AGPAT5: variants seen among roughly 807,000 people sequenced by gnomAD.
AGPAT5 encodes the protein 1-acyl-sn-glycerol-3-phosphate acyltransferase epsilon.
A neutral mutation model predicts 45.6 loss-of-function variants in AGPAT5; 46 were observed. The ratio of observed to expected loss-of-function variants is 1.01; its 90% CI spans 0.80 to 1.29. The LOEUF (loss-of-function observed/expected upper bound fraction) is 1.29, where lower values mean the gene tolerates loss of function less well. Ranked by LOEUF, AGPAT5 falls within the 50% of genes most tolerant of loss-of-function variation. AGPAT5 has a pLI of 0.00. For synonymous variants in AGPAT5, 272 were observed against 167.0 expected, an observed-to-expected ratio of 1.63 and a Z score of -4.85; for missense variants, 673 against 450.7, an observed-to-expected ratio of 1.49 and a Z score of -4.47.
At chr8:6,750,323 C>T (rs1801618559) in intron 6 of AGPAT5, among the ~76,000 whole-genome samples, 1 of 152,210 alleles carries the variant, frequency 6.6e-6, no homozygotes, top group Non-Finnish European at 1.5e-5. Context: ...TCCCACTGCC[C>T]TGCTTATCCT....
At chr8:6,744,537 G>C (rs530638439) in intron 5 of AGPAT5, among the ~76,000 whole-genome samples, 6 of 152,174 alleles carry the variant, frequency 3.9e-5, no homozygotes, top group Admixed American at 2.0e-4. Flanking sequence ...TTGTTCTCCT[G>C]TACGGGGTCC....
chr8:6,727,916 C>A (rs539036217), intron 2 of AGPAT5, among the ~76,000 whole-genome samples: 2 of 152,298 alleles, frequency 1.3e-5, no homozygotes, highest in South Asian at 4.1e-4. Context: ...AGTGATAGCT[C>A]CTTTCAGGCA....
intron 1 of AGPAT5, among the ~76,000 whole-genome samples, chr8:6,721,434 G>T (rs925710911): frequency 1.3e-5 from 2 of 152,086 alleles, no homozygotes; most frequent in Non-Finnish European, 2.9e-5. Flanking sequence ...CCATTTCATG[G>T]GATAAGAATA....
intron 7 of AGPAT5, among the ~76,000 whole-genome samples, chr8:6,755,743 G>T (rs1313650213): frequency 6.6e-6 from 1 of 152,124 alleles, no homozygotes; most frequent in African/African-American, 2.4e-5. Context: ...AACTATCATT[G>T]TTCTTCTTTT....
At chr8:6,739,289 G>T (rs142443413) in intron 4 of AGPAT5, among the ~76,000 whole-genome samples, 2 of 152,014 alleles carry the variant, frequency 1.3e-5, no homozygotes, top group East Asian at 1.9e-4. Flanking sequence ...TTGCATTTCT[G>T]TGTGAATTAT....
In AGPAT5 at chr8:6,760,235, T is replaced by G. The variant is rs1563313456; in HGVS notation, c.*2847T>G. 6.6e-6 allele frequency among the ~76,000 whole-genome samples: 1 copy of G among 151,642 alleles called. No homozygotes were observed. The highest frequency in any genetic ancestry group is 1.5e-5 in the Non-Finnish European group (1 of 67,886). ...ATCGAGAACCTGTCTACAAAAAAAT[T>G]AAAAAAAATTAGCCAGGCATGGTGG... is the stretch of plus-strand genomic sequence containing the variant. On this transcript the variant is annotated 3_prime_UTR_variant, in exon 8 of 8. Transcript: ENST00000285518.
rs565352659 is a variant in AGPAT5 at position 6,756,734 on chromosome 8, C to T, written c.870-429C>T. Among the ~76,000 whole-genome samples the T allele has an allele frequency of 2.0e-5, 3 of 152,148 alleles. No individual in the cohort carries two copies. In the East Asian group the frequency reaches 5.8e-4, roughly 29 times the overall value. On this transcript the variant is annotated intron_variant, in intron 7 of 7. Coordinates refer to ENST00000285518, the MANE Select transcript of AGPAT5 (RefSeq NM_018361.5). ...TTGGTCTCTGCCGGGTATCCTGGGACCAGCCCCCTGTCGATACAGAGGGAC... is the reference window on the plus strand; with the variant it reads ...TTGGTCTCTGCCGGGTATCCTGGGATCAGCCCCCTGTCGATACAGAGGGAC...
At chr8:6,730,678 C>T (rs1281284748) in intron 2 of AGPAT5, 33 bp from the exon 3 acceptor site, 72 of 1,457,054 alleles carry the variant, frequency 4.9e-5, no homozygotes, top group Non-Finnish European at 6.7e-5. Flanking sequence ...TGAAGAGCCT[C>T]ATGTACGCGC....
chr8:6,754,896 T>C (rs1380320345), intron 6 of AGPAT5, among the ~76,000 whole-genome samples, 155 bp from the exon 7 acceptor site: 1 of 143,014 alleles, frequency 7.0e-6, no homozygotes, highest in Non-Finnish European at 1.5e-5. Context: ...TTTATAATCC[T>C]TTTTTTTTAA....
chr8:6,732,244 T>C (rs1465752120), intron 3 of AGPAT5, among the ~76,000 whole-genome samples: 1 of 152,208 alleles, frequency 6.6e-6, no homozygotes, highest in Non-Finnish European at 1.5e-5. Context: ...GTTAAATCCA[T>C]CTGATGGATC....
At chr8:6,738,768 CGT>C (rs897371089) in intron 4 of AGPAT5, among the ~76,000 whole-genome samples, 9 of 152,092 alleles carry the variant, frequency 5.9e-5, no homozygotes, top group African/African-American at 1.7e-4. Context: ...TTTTTGAGTA[CGT>C]GTGTTTTTTT....
intron 1 of AGPAT5, among the ~76,000 whole-genome samples, chr8:6,712,641 G>A (rs537206127): frequency 3.0e-4 from 45 of 152,228 alleles, no homozygotes; most frequent in African/African-American, 1.1e-3. Context: ...AGAGGATTGG[G>A]TAGGACTCAT....
chr8:6,724,206 T>G (rs1357448691), intron 1 of AGPAT5, among the ~76,000 whole-genome samples: 1 of 152,188 alleles, frequency 6.6e-6, no homozygotes, highest in Non-Finnish European at 1.5e-5. Context: ...AGCATGGAAT[T>G]CAAAAGACTT....
At chr8:6,716,295 A>C (rs756792266) in intron 1 of AGPAT5, among the ~76,000 whole-genome samples, 8 of 152,156 alleles carry the variant, frequency 5.3e-5, no homozygotes, top group Non-Finnish European at 8.8e-5. Context: ...GGTGTGGCTC[A>C]TGCCTGTAAT....
At chr8:6,756,759 C>T (rs1442670626) in intron 7 of AGPAT5, among the ~76,000 whole-genome samples, 2 of 152,092 alleles carry the variant, frequency 1.3e-5, no homozygotes, top group African/African-American at 4.8e-5. Flanking sequence ...TACAGAGGGA[C>T]CGCTGTCTAA....
chr8:6,744,757 G>A (rs1386468632), intron 5 of AGPAT5, among the ~76,000 whole-genome samples: 2 of 152,014 alleles, frequency 1.3e-5, no homozygotes, highest in Non-Finnish European at 2.9e-5. Context: ...TCTTTCCTTG[G>A]CCCTTCTGCA....
intron 3 of AGPAT5, 95 bp downstream of exon 3, chr8:6,730,921 T>G: frequency 1.3e-6 from 1 of 746,508 alleles, no homozygotes; most frequent in East Asian, 2.8e-5. Context: ...TCAGGCTGAG[T>G]GCAGTGGTGT....
At chr8:6,729,981 A>C (rs542493524) in intron 2 of AGPAT5, among the ~76,000 whole-genome samples, 9 of 152,328 alleles carry the variant, frequency 5.9e-5, no homozygotes, top group Admixed American at 3.9e-4. Flanking sequence ...AAAACTCATT[A>C]GTAGAAGATG....
chr8:6,733,149 A>T (rs1277864390), intron 4 of AGPAT5, among the ~76,000 whole-genome samples: 1 of 152,204 alleles, frequency 6.6e-6, no homozygotes, highest in Non-Finnish European at 1.5e-5. Context: ...AAAAGTGGGG[A>T]GAGTTCAATC....
Sources: allele counts gnomAD v4.1 joint callset (sites outside exome capture counted in the v4.1 genomes callset), GRCh38; gene constraint gnomAD v4.1.1; transcripts MANE v1.5; gene names NCBI Gene and HGNC (gene_info 2026-07-23, HGNC 2026-07-21).